Variants in SRPK2 observed in about 807,000 individuals in gnomAD.
The protein encoded by SRPK2 is SFRS protein kinase 2.
A neutral mutation model predicts 90.8 loss-of-function variants in SRPK2; 21 were observed. That is an observed-to-expected ratio of 0.23 (90% confidence interval 0.16 to 0.33). The LOEUF (loss-of-function observed/expected upper bound fraction) is 0.33, where lower values mean the gene tolerates loss of function less well. SRPK2 is among the 10% of genes least tolerant of loss of function. The probability of loss-of-function intolerance (pLI) is 1.00; values close to 1 mark genes in which losing one functional copy is unlikely to be tolerated. For missense variants in SRPK2, 620 were observed against 869.0 expected, an observed-to-expected ratio of 0.71 and a Z score of 3.60; for synonymous variants, 288 against 311.1, an observed-to-expected ratio of 0.93 and a Z score of 0.78.
At chr7:105,386,329 AC>A (rs59105335) in intron 2 of SRPK2, among the ~76,000 whole-genome samples, 104,429 of 120,216 alleles carry the variant, frequency 0.87, 45,459 homozygotes, top group Middle Eastern at 0.95. Flanking sequence ...AAAAAAAAAA[AC>A]AACCTCTAAC....
Position 105,260,888 on chromosome 7 carries a change from TGG to T in SRPK2, c.72-57105_72-57104del, listed in dbSNP as rs566223318. 3.4e-3 allele frequency among the ~76,000 whole-genome samples: 235 copies of T among 68,336 alleles called. 1 individual carries two copies. The highest frequency in any genetic ancestry group is 0.012 in the African/African-American group (214 of 18,346). 44.8% of individuals were successfully genotyped at this position (68,336 alleles called of 152,430 possible). A position where few individuals can be genotyped will look rare whatever the true frequency, so the allele number is the denominator to read the frequency against. ...TCACACACTGGAGCCTATTGGGGGG[TGG>T]GGGACTGGGGGAGGGACAGCATTAG... On this transcript the variant is annotated intron_variant, in intron 2 of 15. Transcript: ENST00000393651.
intron 9 of SRPK2, among the ~76,000 whole-genome samples, chr7:105,144,253 T>TG (rs1287389244): frequency 1.3e-5 from 2 of 150,498 alleles, no homozygotes; most frequent in Non-Finnish European, 3.0e-5. Flanking sequence ...TTTTTTTTTT[T>TG]TTTTTGAGAT....
intron 2 of SRPK2, among the ~76,000 whole-genome samples, chr7:105,205,517 TCACACACACA>T (rs543121144): frequency 0.061 from 5,835 of 95,524 alleles, 298 homozygotes; most frequent in East Asian, 0.32. Flanking sequence ...TCTCTCTCTC[TCACACACACA>T]CACACACACA....
chr7:105,243,625 C>A (rs1801132904), intron 2 of SRPK2, among the ~76,000 whole-genome samples: 2 of 117,504 alleles, frequency 1.7e-5, no homozygotes, highest in Non-Finnish European at 1.6e-5. Flanking sequence ...AGAGAGACTC[C>A]ATCTCAAAAA....
chr7:105,202,096 G>T (rs1265935022), intron 3 of SRPK2, among the ~76,000 whole-genome samples: 9 of 115,680 alleles, frequency 7.8e-5, no homozygotes, highest in Non-Finnish European at 1.5e-4. Context: ...CAAATGCTAA[G>T]TAAGATCTAC....
chr7:105,389,541 C>T (rs552698195), upstream of SRPK2: 185 of 632,160 alleles, frequency 2.9e-4, no homozygotes, highest in South Asian at 8.6e-4. Flanking sequence ...AGATAGCATT[C>T]AAGGTAGGAC....
chr7:105,128,313 CA>C (rs1462321924), intron 13 of SRPK2, among the ~76,000 whole-genome samples: 1 of 152,190 alleles, frequency 6.6e-6, no homozygotes, highest in Non-Finnish European at 1.5e-5. Flanking sequence ...AAGACACGGA[CA>C]TGTCACATCT....
chr7:105,172,278 G>A (rs1483927467), intron 3 of SRPK2, among the ~76,000 whole-genome samples: 1 of 152,166 alleles, frequency 6.6e-6, no homozygotes, highest in Non-Finnish European at 1.5e-5. Context: ...AACACTGTGC[G>A]AGGCACTTTA....
intron 2 of SRPK2, among the ~76,000 whole-genome samples, chr7:105,334,976 C>A (rs1422050448): frequency 6.6e-6 from 1 of 150,684 alleles, no homozygotes; most frequent in East Asian, 1.9e-4. Context: ...CGATATCAGT[C>A]TGGCCAACAC....
intron 3 of SRPK2, among the ~76,000 whole-genome samples, chr7:105,187,791 G>A (rs562436314): frequency 9.9e-5 from 15 of 152,140 alleles, no homozygotes; most frequent in African/African-American, 3.6e-4. Context: ...GAGCTGAAGA[G>A]GCCATTGACA....
At chr7:105,396,944 A>C (rs1424108861) in intron 1 of SRPK2, among the ~76,000 whole-genome samples, 1 of 152,138 alleles carries the variant, frequency 6.6e-6, no homozygotes, top group Non-Finnish European at 1.5e-5. Flanking sequence ...ATTTCTTCAG[A>C]AATGCAGCAC....
chr7:105,146,356 G>A, intron 8 of SRPK2, 137 bp downstream of exon 8: 2 of 740,562 alleles, frequency 2.7e-6, no homozygotes. Flanking sequence ...CATTTCAAGG[G>A]TGCAGTTATT....
intron 2 of SRPK2, among the ~76,000 whole-genome samples, chr7:105,225,838 C>T (rs79709744): frequency 0.014 from 2,184 of 151,686 alleles, 45 homozygotes; most frequent in African/African-American, 0.049. Context: ...TTCTAGACTT[C>T]TGCTGTCCTA....
chr7:105,313,165 A>G (rs1330392795), intron 2 of SRPK2, among the ~76,000 whole-genome samples: 1 of 151,692 alleles, frequency 6.6e-6, no homozygotes, highest in Non-Finnish European at 1.5e-5. Context: ...TTTTTAAATT[A>G]CCAGGTGCAG....
At chr7:105,336,639 A>G (rs1473295348) in intron 2 of SRPK2, among the ~76,000 whole-genome samples, 1 of 152,194 alleles carries the variant, frequency 6.6e-6, no homozygotes, top group Non-Finnish European at 1.5e-5. Context: ...TTTTCATACT[A>G]CACATTGAGG....
chr7:105,271,878 A>G (rs1283934081), intron 2 of SRPK2, among the ~76,000 whole-genome samples: 1 of 152,196 alleles, frequency 6.6e-6, no homozygotes, highest in Admixed American at 6.5e-5. Flanking sequence ...AAGTCAACCA[A>G]TCTTTTCCTT....
intron 2 of SRPK2, among the ~76,000 whole-genome samples, chr7:105,346,676 C>A (rs1027507679): frequency 6.6e-6 from 1 of 151,988 alleles, no homozygotes; most frequent in Non-Finnish European, 1.5e-5. Context: ...ACTGATTGAA[C>A]CCCAGCAGGC....
At chr7:105,310,139 T>C (rs1811548378) in intron 2 of SRPK2, among the ~76,000 whole-genome samples, 1 of 152,016 alleles carries the variant, frequency 6.6e-6, no homozygotes, top group South Asian at 2.1e-4. Flanking sequence ...CACAAAGGTG[T>C]AAGGCTAGGG....
intron 1 of SRPK2, among the ~76,000 whole-genome samples, chr7:105,396,786 GAAAGAAAGAGAAAGAGAA>G (rs1400538628): frequency 3.1e-5 from 4 of 130,686 alleles, no homozygotes; most frequent in East Asian, 4.8e-4. Flanking sequence ...GAGAGAGAAA[GAAAGAAAGAGAAAGAGAA>G]AGAAAGAAAG....
Sources: gnomAD v4.1 joint callset for allele counts (sites outside exome capture counted in the v4.1 genomes callset) on GRCh38, gnomAD v4.1.1 for gene constraint, MANE v1.5 for transcripts, NCBI Gene and HGNC (gene_info 2026-07-23, HGNC 2026-07-21) for gene names.